The following NUP210 variants were observed in gnomAD, a reference collection of about 807,000 sequenced individuals.
The protein encoded by NUP210 is nuclear pore membrane glycoprotein 210.
Under a neutral mutation model 196.0 loss-of-function variants are expected in NUP210, and 151 were observed. That is an observed-to-expected ratio of 0.77 (90% CI 0.67 to 0.88). NUP210 has a LOEUF of 0.88. NUP210 is among the 40% of genes least tolerant of loss of function. The pLI, the probability that NUP210 is intolerant of heterozygous loss-of-function variation, is 0.00. For missense variants in NUP210, 2,314 were observed against 2,493.7 expected (o/e 0.93, Z 1.53); for synonymous variants, 1,070 against 1,052.7 (o/e 1.02, Z -0.32).
intron 1 of NUP210, among the ~76,000 whole-genome samples, chr3:13,416,450 T>G (rs1239118796): frequency 6.6e-6 from 1 of 152,082 alleles, no homozygotes; most frequent in Admixed American, 6.5e-5. Context: ...TGCCTGACAG[T>G]GGGTACAAAA....
Position 13,388,404 on chromosome 3 carries a change from C to G in NUP210, c.583G>C (p.Glu195Gln), listed in dbSNP as rs750407952. 2 of 1,612,504 alleles carry G rather than the reference C, an allele frequency of 1.2e-6. No individual in the cohort carries two copies. Among genetic ancestry groups the G allele is most frequent in the Non-Finnish European group, 1.7e-6 (2 of 1,179,272 alleles). The change falls in exon 5 of 40, where the codon GAG becomes CAG. Residue 195 changes from glutamate (E) to glutamine (Q), a missense_variant. By Grantham distance (29) the Glu-to-Gln change is conservative (BLOSUM62 2). Coordinates refer to ENST00000254508, the MANE Select transcript of NUP210 (RefSeq NM_024923.4). Reference sequence around the variant, plus strand: ...CCTTGCTTGGCAGCCTTCTCCATCTCTGAGATGTAAGAAGGAGGGATGTAC... The same window carrying G: ...CCTTGCTTGGCAGCCTTCTCCATCTGTGAGATGTAAGAAGGAGGGATGTAC... ...STYIPPSYIS[E>Q]MEKAAKQGDT... is the part of the protein sequence containing the mutation.
chr3:13,418,948 C>CAAAAAAAAAAAAAA (rs112826426), intron 1 of NUP210, among the ~76,000 whole-genome samples: 36 of 52,404 alleles, frequency 6.9e-4, no homozygotes, highest in Non-Finnish European at 1.2e-3. Context: ...AACTCCGTCT[C>CAAAAAAAAAAAAAA]AAAAAAAAAA....
At position 13,347,948 on chromosome 3, in the gene NUP210, C is replaced by T. The variant is rs1697815828; in HGVS notation, c.2835+3931G>A. Among the ~76,000 whole-genome samples the T allele has an allele frequency of 6.6e-6, 1 of 152,206 alleles. No individual in the cohort carries two copies. The highest frequency in any genetic ancestry group is 1.5e-5 in the Non-Finnish European group (1 of 68,038). ...GGTGAAGACCCCAGTGGGCAGGGCG[C>T]CTCCATGGAAGGAAACTTCTGGACC... On this transcript the variant is annotated intron_variant, in intron 20 of 39. Transcript: ENST00000254508. This position sits in a 1 kb window ranked among gnomAD's most constrained non-coding sequence, Gnocchi z 4.7.
Position 13,327,257 on chromosome 3 carries a change from C to A in NUP210, c.4467G>T (p.Gly1489=), listed in dbSNP as rs781404626. The part of the protein sequence containing the change: ...SPELSGAMVV[G]DVLCLATVLT... ...GAACAGTGGCCAGACAGAGCACGTC[C>A]CCCACCACCATGGCCCCAGACAGCT... The change falls in exon 32 of 40, where the codon GGG becomes GGT. Residue 1489 remains glycine, a synonymous_variant. Coordinates refer to ENST00000254508, the MANE Select transcript of NUP210 (RefSeq NM_024923.4). 9 of 1,613,410 alleles carry A rather than the reference C, an allele frequency of 5.6e-6. No individual in the cohort carries two copies. Among genetic ancestry groups the A allele is most frequent in the Non-Finnish European group, 7.6e-6 (9 of 1,180,010 alleles).
intron 28 of NUP210, among the ~76,000 whole-genome samples, chr3:13,334,379 T>C (rs1038257090): frequency 2.6e-5 from 4 of 152,096 alleles, no homozygotes; most frequent in Non-Finnish European, 2.9e-5. Flanking sequence ...CTGTGTTGTA[T>C]GTATGTGTCT....
chr3:13,406,021 A>G (rs966317333), intron 1 of NUP210, among the ~76,000 whole-genome samples: 1 of 152,220 alleles, frequency 6.6e-6, no homozygotes, highest in Non-Finnish European at 1.5e-5. Flanking sequence ...GTTAATACGA[A>G]AGATAATGTC....
chr3:13,322,045 C>T (rs1696552440), intron 35 of NUP210, 148 bp downstream of exon 35: 1 of 1,168,566 alleles, frequency 8.6e-7, no homozygotes, highest in Non-Finnish European at 1.2e-6. Flanking sequence ...TCCCAAGTCC[C>T]CCTGGCGTCA....
chr3:13,334,628 A>G (rs762677078), intron 28 of NUP210, among the ~76,000 whole-genome samples: 2 of 152,138 alleles, frequency 1.3e-5, no homozygotes, highest in Non-Finnish European at 2.9e-5. Flanking sequence ...GTTTTTCTTT[A>G]CAGCTTAGGA....
At chr3:13,382,295 C>A (rs934178019) in intron 6 of NUP210, among the ~76,000 whole-genome samples, 13 of 152,306 alleles carry the variant, frequency 8.5e-5, no homozygotes, top group Admixed American at 3.9e-4. Context: ...ATGGAGACCA[C>A]GGCTCCCACT....
chr3:13,384,640 C>T (rs1699214786), intron 6 of NUP210, among the ~76,000 whole-genome samples: 1 of 152,234 alleles, frequency 6.6e-6, no homozygotes. Flanking sequence ...AATGTTCAGT[C>T]ATGGTTAGGT....
chr3:13,418,248 G>A (rs747824970), intron 1 of NUP210, among the ~76,000 whole-genome samples: 1 of 152,216 alleles, frequency 6.6e-6, no homozygotes, highest in Non-Finnish European at 1.5e-5. Context: ...AAACCAAAAT[G>A]CAATGGGCTG....
In NUP210 at chr3:13,353,943, G is replaced by C; in HGVS notation, c.2493C>G (p.Asp831Glu). ...PELPMQLVSQ[D>E]DESGQKKLHG... Reference sequence around the variant, plus strand: ...GCAGCTTCTTTTGGCCACTCTCATCGTCCTGGGACACCAGCTGCATGGGCA... The same window carrying C: ...GCAGCTTCTTTTGGCCACTCTCATCCTCCTGGGACACCAGCTGCATGGGCA... Residue 831 changes from aspartate (D) to glutamate (E), a missense_variant, in exon 17 of 40, where the codon GAC becomes GAG. Coordinates refer to ENST00000254508, the MANE Select transcript of NUP210 (RefSeq NM_024923.4). 6.2e-7 allele frequency: 1 copy of C among 1,610,082 alleles called. No individual in the cohort carries two copies.
At chr3:13,413,556 C>T (rs974144832) in intron 1 of NUP210, among the ~76,000 whole-genome samples, 10 of 152,164 alleles carry the variant, frequency 6.6e-5, no homozygotes, top group Non-Finnish European at 1.0e-4. Flanking sequence ...ATCCAGATGA[C>T]TCAAAGCAGT....
At chr3:13,336,695 G>C in intron 27 of NUP210, 92 bp downstream of exon 27, 1 of 1,418,278 alleles carries the variant, frequency 7.1e-7, no homozygotes, top group East Asian at 2.5e-5. Context: ...GGGACTTCCT[G>C]TGGGACAATG....
rs1469057162 is a variant in NUP210 at position 13,316,701 on chromosome 3, G to A, written c.*980C>T. On this transcript the variant is annotated 3_prime_UTR_variant, in exon 40 of 40. Transcript: ENST00000254508. ...GGAAGCTGTCTGGGGCCCTGCGCCT[G>A]ATGAGCTGCCATGAAAGTGGCCGCC... 6.6e-6 allele frequency: 1 copy of A among 152,328 alleles called. No homozygotes were observed. The highest frequency in any genetic ancestry group is 1.9e-4 in the East Asian group (1 of 5,196). 9.4% of individuals were successfully genotyped at this position (152,328 alleles called of 1,614,324 possible).
At chr3:13,365,579 G>C (rs973336229) in intron 14 of NUP210, among the ~76,000 whole-genome samples, 1 of 152,234 alleles carries the variant, frequency 6.6e-6, no homozygotes, top group Non-Finnish European at 1.5e-5. Flanking sequence ...TGGGGACCCT[G>C]AAGGTTAGCT....
At chr3:13,402,805 C>T (rs1447368532) in intron 1 of NUP210, among the ~76,000 whole-genome samples, 3 of 152,184 alleles carry the variant, frequency 2.0e-5, no homozygotes, top group Non-Finnish European at 4.4e-5. Flanking sequence ...TATAGATTTC[C>T]CATACATGCC....
intron 28 of NUP210, among the ~76,000 whole-genome samples, chr3:13,334,335 C>A (rs1160794760): frequency 6.6e-6 from 1 of 152,112 alleles, no homozygotes; most frequent in Non-Finnish European, 1.5e-5. Flanking sequence ...AAAGAACATG[C>A]ATTTGGTGAG....
In NUP210 at chr3:13,347,889, C is replaced by T. The variant is rs1462705447; in HGVS notation, c.2835+3990G>A. Among the ~76,000 whole-genome samples, 7 of 152,200 alleles carry T rather than the reference C, an allele frequency of 4.6e-5. No homozygotes were observed. The highest frequency in any genetic ancestry group is 7.2e-5 in the African/African-American group (3 of 41,444). On this transcript the variant is annotated intron_variant, in intron 20 of 39. Coordinates refer to ENST00000254508, the MANE Select transcript of NUP210 (RefSeq NM_024923.4). The surrounding 1 kb of genome is among the most constrained non-coding windows in gnomAD (Gnocchi z 4.7). ...AGGAACCAGGGCCTGATTGGAGTTG[C>T]GAGAGTCTTTGGCACAAGCCTGAAA...
Sources: gnomAD v4.1 joint callset for allele counts (sites outside exome capture counted in the v4.1 genomes callset) on GRCh38, gnomAD v4.1.1 for gene constraint, Gnocchi (gnomAD v3.1) non-coding constraint, MANE v1.5 for transcripts, NCBI Gene and HGNC (gene_info 2026-07-23, HGNC 2026-07-21) for gene names.